The following SAMD12 variants were observed in gnomAD, a reference collection of about 807,000 sequenced individuals.
SAMD12 encodes the protein sterile alpha motif domain containing 12.
SAMD12 carries 9 observed loss-of-function variants against 15.0 expected under a neutral mutation model. The observed-to-expected ratio is 0.60, with a 90% CI of 0.36 to 1.05. The LOEUF is 1.05. Ranked by LOEUF, SAMD12 falls within the 50% of genes least tolerant of loss-of-function variation. The pLI is 0.01. For missense variants in SAMD12, 230 were observed against 234.2 expected, an observed-to-expected ratio of 0.98 and a Z score of 0.12; for synonymous variants, 86 against 90.1, an observed-to-expected ratio of 0.96 and a Z score of 0.25.
At chr8:118,373,592 T>A (rs893129277), downstream of SAMD12, among the ~76,000 whole-genome samples, 2 of 152,174 alleles carry the variant, frequency 1.3e-5, no homozygotes, top group Non-Finnish European at 2.9e-5. Context: ...ATTTGACACA[T>A]ATATTTGGAC....
chr8:118,339,956 C>A (rs916178143), intron 4 of SAMD12, among the ~76,000 whole-genome samples: 1 of 152,218 alleles, frequency 6.6e-6, no homozygotes, highest in South Asian at 2.1e-4. Flanking sequence ...AATTTGCTGC[C>A]TGTGTTCAAT....
At chr8:118,502,480 A>G (rs1431541241) in intron 2 of SAMD12, among the ~76,000 whole-genome samples, 3 of 152,222 alleles carry the variant, frequency 2.0e-5, no homozygotes, top group South Asian at 2.1e-4. Flanking sequence ...CTGTCTTACA[A>G]TCTTAGGTTA....
At chr8:118,152,450 C>CCTTCCTTCCTT in the SAMD12 span, among the ~76,000 whole-genome samples, 2 of 106,384 alleles carry the variant, frequency 1.9e-5, no homozygotes, top group African/African-American at 7.3e-5. Flanking sequence ...CTTCCTCCCT[C>CCTTCCTTCCTT]CCTCCCTACC....
chr8:118,266,537 C>T (rs1813203817), intron 4 of SAMD12, among the ~76,000 whole-genome samples: 1 of 152,046 alleles, frequency 6.6e-6, no homozygotes, highest in Admixed American at 6.6e-5. Flanking sequence ...TATTTGCACT[C>T]CCATGTTCAT....
rs575937936 is a variant in SAMD12, at chr8:118,434,964, G to A, written c.322+4868C>T. On this transcript the variant is annotated intron_variant, in intron 3 of 3. Coordinates refer to ENST00000314727, the MANE Select transcript of SAMD12 (RefSeq NM_207506.3). ...TAAAAATACAAAAAATTAGCCGGGC[G>A]TAGTGGCGGGCGCCTGTAGTCCCAG... Among the ~76,000 whole-genome samples the A allele has an allele frequency of 4.4e-3, 366 of 83,304 alleles. 115 individuals are homozygous for A. The highest frequency in any genetic ancestry group is 0.013 in the Middle Eastern group (2 of 150). The allele number at this position is 83,304 out of a possible 152,430, so 54.7% of individuals were successfully genotyped here. A position where few individuals can be genotyped will look rare whatever the true frequency, so the allele number is the denominator to read the frequency against.
chr8:118,379,180 G>A lies in SAMD12; in HGVS notation c.*237C>T. On this transcript the variant is annotated 3_prime_UTR_variant, in exon 4 of 4. Coordinates refer to ENST00000314727, the MANE Select transcript of SAMD12 (RefSeq NM_207506.3). Reference sequence around the variant, plus strand: ...CGCCCTCACAATTGGCGCAGGTGAAGATAGCTACAGCTGGACTGTACAGTT... The same window carrying A: ...CGCCCTCACAATTGGCGCAGGTGAAAATAGCTACAGCTGGACTGTACAGTT... 3 of 1,247,612 alleles carry A rather than the reference G, an allele frequency of 2.4e-6. No individual in the cohort carries two copies. The highest frequency in any genetic ancestry group is 3.1e-5 in the South Asian group (1 of 32,208). 77.3% of individuals were successfully genotyped at this position (1,247,612 alleles called of 1,614,324 possible).
chr8:118,164,661 GTC>G, the SAMD12 span, among the ~76,000 whole-genome samples: 1 of 151,938 alleles, frequency 6.6e-6, no homozygotes. Flanking sequence ...CAGGGCTCAT[GTC>G]TCTGCTCTGG....
At chr8:118,511,246 G>T (rs1825071452) in intron 2 of SAMD12, among the ~76,000 whole-genome samples, 1 of 152,154 alleles carries the variant, frequency 6.6e-6, no homozygotes, top group African/African-American at 2.4e-5. Flanking sequence ...GATGGGAATG[G>T]GAAGGGGAAG....
At chr8:118,146,638 G>A in the SAMD12 span, among the ~76,000 whole-genome samples, 16 of 152,196 alleles carry the variant, frequency 1.1e-4, no homozygotes, top group Non-Finnish European at 1.9e-4. Context: ...TCCATCTCCC[G>A]GTAGGAGAGA....
chr8:118,430,447 C>A (rs1328461564), intron 3 of SAMD12, among the ~76,000 whole-genome samples: 1 of 151,836 alleles, frequency 6.6e-6, no homozygotes, highest in African/African-American at 2.4e-5. Context: ...ACTGCAACCT[C>A]CGCCTCCCAG....
At chr8:118,263,470 G>A (rs1040965731) in intron 4 of SAMD12, among the ~76,000 whole-genome samples, 4 of 151,980 alleles carry the variant, frequency 2.6e-5, no homozygotes, top group African/African-American at 7.2e-5. Context: ...TTAAATAAGA[G>A]ATTTTGGTTT....
In SAMD12 at chr8:118,449,470, A is replaced by C. The variant is rs1823010474; in HGVS notation, c.193-9509T>G. ...GAAAAACAGTTGTTAAGAAAGGAAGAGGATTAAAAGGTACCAGTGAAAAAC... is the reference window on the plus strand; with the variant it reads ...GAAAAACAGTTGTTAAGAAAGGAAGCGGATTAAAAGGTACCAGTGAAAAAC... On this transcript the variant is annotated intron_variant, in intron 2 of 3. Coordinates refer to ENST00000314727, the MANE Select transcript of SAMD12 (RefSeq NM_207506.3). Among the ~76,000 whole-genome samples the C allele has an allele frequency of 2.6e-5, 4 of 152,040 alleles. No individual in the cohort carries two copies. The South Asian group carries it at 8.3e-4, about 32-fold the overall frequency.
At chr8:118,422,743 G>A (rs1822054352) in intron 3 of SAMD12, among the ~76,000 whole-genome samples, 3 of 152,202 alleles carry the variant, frequency 2.0e-5, no homozygotes, top group Admixed American at 1.3e-4. Context: ...AAATGGTTCT[G>A]TCTGTGAAAA....
At chr8:118,438,214 T>C (rs972581965) in intron 3 of SAMD12, among the ~76,000 whole-genome samples, 2 of 152,146 alleles carry the variant, frequency 1.3e-5, no homozygotes, top group Non-Finnish European at 2.9e-5. Context: ...TTGACTCTAG[T>C]TGGGAGTGAC....
intron 4 of SAMD12, among the ~76,000 whole-genome samples, chr8:118,352,972 T>C (rs557508913): frequency 5.3e-5 from 8 of 152,242 alleles, no homozygotes; most frequent in South Asian, 2.1e-4. Flanking sequence ...TATGTTGCTT[T>C]AGAAAATTTG....
At chr8:118,517,445 T>C (rs1825275034) in intron 2 of SAMD12, among the ~76,000 whole-genome samples, 1 of 152,182 alleles carries the variant, frequency 6.6e-6, no homozygotes, top group Non-Finnish European at 1.5e-5. Context: ...TACGATACAA[T>C]AGTTCTAACA....
At chr8:118,566,856 T>G (rs185488504) in intron 2 of SAMD12, among the ~76,000 whole-genome samples, 6 of 152,288 alleles carry the variant, frequency 3.9e-5, no homozygotes, top group Admixed American at 2.0e-4. Context: ...AAAAGAAAAA[T>G]GTCTGGGTTT....
intron 4 of SAMD12, among the ~76,000 whole-genome samples, chr8:118,261,287 G>C (rs927080277): frequency 4.6e-5 from 7 of 152,026 alleles, no homozygotes; most frequent in Non-Finnish European, 1.0e-4. Flanking sequence ...TTTCCCTAGA[G>C]CATCCAACAA....
At chr8:118,563,575 A>G (rs1826767498) in intron 2 of SAMD12, among the ~76,000 whole-genome samples, 1 of 152,222 alleles carries the variant, frequency 6.6e-6, no homozygotes. Context: ...GAAATAATCT[A>G]CAAACAAAGC....
Sources: gnomAD v4.1 joint callset for allele counts (sites outside exome capture counted in the v4.1 genomes callset) on GRCh38, gnomAD v4.1.1 for gene constraint, MANE v1.5 for transcripts, NCBI Gene and HGNC (gene_info 2026-07-23, HGNC 2026-07-21) for gene names.